The following PALD1 variants were observed in gnomAD, a reference collection of about 807,000 sequenced individuals.
The protein encoded by PALD1 is phosphatase domain containing paladin 1, also known as paladin.
Under a neutral mutation model 96.0 loss-of-function variants are expected in PALD1, and 57 were observed. The observed-to-expected ratio is 0.59, with a 90% CI of 0.48 to 0.74. The LOEUF is 0.74. Ranked by LOEUF, PALD1 falls within the 30% of genes least tolerant of loss-of-function variation. The pLI is 0.00. For missense variants in PALD1, 1,063 were observed against 1,143.7 expected, an observed-to-expected ratio of 0.93 and a Z score of 1.02; for synonymous variants, 464 against 473.6, an observed-to-expected ratio of 0.98 and a Z score of 0.26.
At chr10:70,523,493 G>A (rs1759695969) in intron 1 of PALD1, among the ~76,000 whole-genome samples, 1 of 152,192 alleles carries the variant, frequency 6.6e-6, no homozygotes, top group African/African-American at 2.4e-5. Context: ...GCCTGCCAGG[G>A]CTGGTGAGGT....
At chr10:70,479,956 T>C (rs1386217301) in intron 1 of PALD1, among the ~76,000 whole-genome samples, 1 of 152,244 alleles carries the variant, frequency 6.6e-6, no homozygotes, top group African/African-American at 2.4e-5. Flanking sequence ...CGATACAGGG[T>C]TTCAATACCA....
intron 1 of PALD1, among the ~76,000 whole-genome samples, chr10:70,494,035 A>G (rs1846145108): frequency 1.3e-5 from 2 of 152,202 alleles, no homozygotes; most frequent in Non-Finnish European, 2.9e-5. Flanking sequence ...ACCCAGCCTC[A>G]TGCTCACCTT....
intron 1 of PALD1, among the ~76,000 whole-genome samples, chr10:70,492,052 A>G (rs1414992435): frequency 6.6e-6 from 1 of 152,194 alleles, no homozygotes; most frequent in Non-Finnish European, 1.5e-5. Context: ...TTTGGCTGCT[A>G]TGAATGTTCA....
chr10:70,543,085 A>G (rs1055621971), intron 17 of PALD1, among the ~76,000 whole-genome samples: 2 of 144,618 alleles, frequency 1.4e-5, no homozygotes, highest in Non-Finnish European at 3.0e-5. Flanking sequence ...TTTTTGGATA[A>G]TAGCCATCCT....
chr10:70,472,400 A>G, the PALD1 span, among the ~76,000 whole-genome samples: 1 of 152,088 alleles, frequency 6.6e-6, no homozygotes, highest in Non-Finnish European at 1.5e-5. Flanking sequence ...AGCTGGGATT[A>G]TAGGTGCCTG....
chr10:70,531,368 C>T lies in PALD1; in HGVS notation c.547C>T (p.Arg183Ter), dbSNP rs763764245. 17 of 1,614,020 alleles carry T rather than the reference C, an allele frequency of 1.1e-5. No individual in the cohort carries two copies. The highest frequency in any genetic ancestry group is 1.4e-5 in the Non-Finnish European group (16 of 1,179,932). ...ADEDFVSYTP[R>*]DKQNLHENLQ... is the part of the protein sequence containing the mutation. ...TGAGGACTTTGTGTCCTACACACCT[C>T]GAGACAAGCAGAACCTTCATGAGAA... The change falls in exon 5 of 20, where the codon CGA becomes TGA. Residue 183 changes from arginine (R) to a stop codon, truncating the protein, a stop_gained. Transcript: ENST00000263563. LOFTEE classifies it high-confidence loss of function.
intron 1 of PALD1, among the ~76,000 whole-genome samples, chr10:70,520,984 G>A (rs191253846): frequency 2.6e-5 from 4 of 152,232 alleles, no homozygotes; most frequent in African/African-American, 7.2e-5. Context: ...GAGCCACCGC[G>A]CCCGGCCAGT....
rs192719429 is a variant in PALD1, at chr10:70,547,370, C to T, written c.2186C>T (p.Ala729Val). Residue 729 changes from alanine (A) to valine (V), a missense_variant, in exon 18 of 20, where the codon GCG becomes GTG. Coordinates refer to ENST00000263563, the MANE Select transcript of PALD1 (RefSeq NM_014431.3). The part of the protein sequence containing the change: ...GHRVKKEVDA[A>V]LDTVSETMTP... The stretch of plus-strand genomic sequence containing the variant: ...CGTGTGAAGAAGGAGGTGGACGCAG[C>T]GCTGGACACTGTCAGCGAGACCATG... 1.2e-5 allele frequency: 19 copies of T among 1,611,834 alleles called. No homozygotes were observed. Among genetic ancestry groups the T allele is most frequent in the African/African-American group, 8.0e-5 (6 of 74,698 alleles).
intron 17 of PALD1, among the ~76,000 whole-genome samples, chr10:70,544,425 G>C (rs1461732125): frequency 6.6e-6 from 1 of 152,086 alleles, no homozygotes; most frequent in African/African-American, 2.4e-5. Flanking sequence ...AGGCAGAGGA[G>C]GTTGTGATCA....
intron 1 of PALD1, among the ~76,000 whole-genome samples, chr10:70,486,589 C>T (rs190333979): frequency 6.6e-6 from 1 of 152,120 alleles, no homozygotes; most frequent in East Asian, 1.9e-4. Context: ...GGTGAAACCC[C>T]ATCTCTACTA....
At chr10:70,474,992 C>T (rs554673239), upstream of PALD1, among the ~76,000 whole-genome samples, 1 of 152,276 alleles carries the variant, frequency 6.6e-6, no homozygotes, top group South Asian at 2.1e-4. Context: ...AGGTTCAGGG[C>T]TAGGTCATGG....
At chr10:70,536,527 A>G (rs1489156340) in intron 10 of PALD1, among the ~76,000 whole-genome samples, 2 of 152,166 alleles carry the variant, frequency 1.3e-5, no homozygotes, top group African/African-American at 2.4e-5. Context: ...CCCTTAGTCT[A>G]GATTGGGCAT....
At chr10:70,489,929 C>CT (rs797015937) in intron 1 of PALD1, among the ~76,000 whole-genome samples, 1 of 151,858 alleles carries the variant, frequency 6.6e-6, no homozygotes, top group Non-Finnish European at 1.5e-5. Flanking sequence ...CTCTCTCTCT[C>CT]TTTTTTTTCT....
At chr10:70,474,178 T>C (rs1411477996), upstream of PALD1, among the ~76,000 whole-genome samples, 1 of 152,144 alleles carries the variant, frequency 6.6e-6, no homozygotes, top group Non-Finnish European at 1.5e-5. Flanking sequence ...AGGAACCTCA[T>C]TGTTCTGTGC....
chr10:70,459,803 C>G, the PALD1 span, among the ~76,000 whole-genome samples: 2 of 152,106 alleles, frequency 1.3e-5, no homozygotes, highest in Non-Finnish European at 2.9e-5. Context: ...CCTCCGTTCC[C>G]CCACGTACTC....
intron 1 of PALD1, among the ~76,000 whole-genome samples, chr10:70,513,351 A>T (rs778485515): frequency 6.6e-5 from 10 of 152,068 alleles, no homozygotes; most frequent in Non-Finnish European, 1.3e-4. Flanking sequence ...AAATAAATAA[A>T]TAATTAAAAA....
intron 18 of PALD1, among the ~76,000 whole-genome samples, chr10:70,551,638 C>T (rs870457): frequency 0.19 from 29,256 of 152,002 alleles, 3,132 homozygotes; most frequent in East Asian, 0.47. Context: ...GGCCCCCTGC[C>T]GGCTTCAGCA....
the PALD1 span, among the ~76,000 whole-genome samples, chr10:70,459,301 A>C: frequency 0.018 from 2,682 of 152,338 alleles, 25 homozygotes; most frequent in Middle Eastern, 0.027. Flanking sequence ...CACTGCAGTC[A>C]GAGGCGGAGC....
intron 1 of PALD1, among the ~76,000 whole-genome samples, chr10:70,482,723 G>A (rs1416917588): frequency 2.6e-5 from 4 of 152,118 alleles, no homozygotes; most frequent in Non-Finnish European, 4.4e-5. Context: ...TTAGCCATGT[G>A]GCCCAGGGCA....
Sources: allele counts gnomAD v4.1 joint callset (sites outside exome capture counted in the v4.1 genomes callset), GRCh38; gene constraint gnomAD v4.1.1; transcripts MANE v1.5; gene names NCBI Gene and HGNC (gene_info 2026-07-23, HGNC 2026-07-21).